The following NKAIN2 variants were observed in gnomAD, a reference collection of about 807,000 sequenced individuals.
NKAIN2 encodes the protein sodium/potassium-transporting ATPase subunit beta-1-interacting protein 2.
In NKAIN2, 14 loss-of-function variants were observed where a neutral mutation model predicts 32.6. That is an observed-to-expected ratio of 0.43 (90% CI 0.28 to 0.67). NKAIN2 has a LOEUF of 0.67. NKAIN2 is among the 30% of genes least tolerant of loss of function. The pLI is 0.17. For synonymous variants in NKAIN2, 80 were observed against 87.2 expected (o/e 0.92, Z 0.46); for missense variants, 198 against 258.3 (o/e 0.77, Z 1.60).
intron 1 of NKAIN2, among the ~76,000 whole-genome samples, chr6:124,016,957 C>A (rs1432502586): frequency 6.6e-6 from 1 of 152,174 alleles, no homozygotes; most frequent in Non-Finnish European, 1.5e-5. Context: ...TCAAGCCTAT[C>A]AAAACCTACC....
chr6:124,086,912 C>T (rs904727303), intron 1 of NKAIN2, among the ~76,000 whole-genome samples: 1 of 151,884 alleles, frequency 6.6e-6, no homozygotes, highest in African/African-American at 2.4e-5. Context: ...GAATACTTCT[C>T]AAGTCATTCT....
chr6:124,186,863 T>C (rs1250360720), intron 1 of NKAIN2, among the ~76,000 whole-genome samples: 2 of 152,196 alleles, frequency 1.3e-5, no homozygotes, highest in Admixed American at 1.3e-4. Context: ...GCTATGCATT[T>C]CAGAATTATT....
chr6:123,866,245 C>A (rs1291070792), intron 1 of NKAIN2, among the ~76,000 whole-genome samples: 6 of 152,148 alleles, frequency 3.9e-5, no homozygotes, highest in Admixed American at 3.9e-4. Flanking sequence ...ACAACTCCAT[C>A]CTCATCTGAC....
chr6:124,027,956 T>C (rs942732344), intron 1 of NKAIN2, among the ~76,000 whole-genome samples: 1 of 152,154 alleles, frequency 6.6e-6, no homozygotes, highest in Non-Finnish European at 1.5e-5. Context: ...GCAAGTCTCC[T>C]TAGCATAAAA....
intron 4 of NKAIN2, among the ~76,000 whole-genome samples, chr6:124,704,108 G>A (rs1774932063): frequency 6.6e-6 from 1 of 151,744 alleles, no homozygotes; most frequent in Admixed American, 6.6e-5. Flanking sequence ...AAGTCACAAT[G>A]ACAAAAGAAC....
At chr6:124,413,443 G>A (rs916869111) in intron 3 of NKAIN2, among the ~76,000 whole-genome samples, 5 of 152,050 alleles carry the variant, frequency 3.3e-5, no homozygotes, top group Non-Finnish European at 7.4e-5. Context: ...TCAATACCAC[G>A]CTGTATTGAT....
intron 1 of NKAIN2, among the ~76,000 whole-genome samples, chr6:124,211,905 C>T (rs2114663343): frequency 6.6e-6 from 1 of 152,060 alleles, no homozygotes; most frequent in Non-Finnish European, 1.5e-5. Flanking sequence ...ATTCACTTTT[C>T]TTTGTGTGAT....
At chr6:124,675,360 G>A (rs565682481) in intron 4 of NKAIN2, among the ~76,000 whole-genome samples, 1 of 151,934 alleles carries the variant, frequency 6.6e-6, no homozygotes, top group Non-Finnish European at 1.5e-5. Context: ...TTTCTTTCTT[G>A]TAGTGTCTTT....
At chr6:124,790,872 T>C (rs1472511117) in intron 4 of NKAIN2, among the ~76,000 whole-genome samples, 2 of 152,098 alleles carry the variant, frequency 1.3e-5, no homozygotes, top group Admixed American at 6.6e-5. Flanking sequence ...AGATCTGCAT[T>C]TTCCTTACAA....
intron 3 of NKAIN2, among the ~76,000 whole-genome samples, chr6:124,359,289 C>T (rs1387750031): frequency 2.3e-4 from 35 of 152,048 alleles, no homozygotes; most frequent in Admixed American, 1.6e-3. Context: ...TTTAAAGTAG[C>T]TTTTTCCAAT....
At chr6:124,413,720 T>C (rs1774329474) in intron 3 of NKAIN2, among the ~76,000 whole-genome samples, 1 of 152,206 alleles carries the variant, frequency 6.6e-6, no homozygotes. Flanking sequence ...TCTTCAATTT[T>C]TCTCAGCAAT....
chr6:124,261,171 A>C (rs1431300010), intron 1 of NKAIN2, among the ~76,000 whole-genome samples: 1 of 152,226 alleles, frequency 6.6e-6, no homozygotes, highest in East Asian at 1.9e-4. Flanking sequence ...GTCATCTAAA[A>C]AGATTCCAGA....
chr6:124,164,526 A>G (rs112671342), intron 1 of NKAIN2, among the ~76,000 whole-genome samples: 2 of 152,228 alleles, frequency 1.3e-5, no homozygotes, highest in African/African-American at 4.8e-5. Flanking sequence ...AGCGTGGAAT[A>G]GGATATATAG....
At chr6:123,861,980 C>G (rs1775802965) in intron 1 of NKAIN2, among the ~76,000 whole-genome samples, 1 of 152,110 alleles carries the variant, frequency 6.6e-6, no homozygotes. Context: ...ATTTGTATAT[C>G]TGGGAACAAA....
chr6:124,204,950 A>T (rs1790781833), intron 1 of NKAIN2, among the ~76,000 whole-genome samples: 1 of 150,128 alleles, frequency 6.7e-6, no homozygotes, highest in African/African-American at 2.4e-5. Flanking sequence ...CATATCAAGA[A>T]CATCAAGCAC....
At chr6:123,805,315 A>G (rs1773170432) in intron 1 of NKAIN2, among the ~76,000 whole-genome samples, 1 of 152,234 alleles carries the variant, frequency 6.6e-6, no homozygotes, top group African/African-American at 2.4e-5. Context: ...AAAGTGTTCA[A>G]AAGAGCAAGG....
chr6:123,872,936 C>A (rs746465810), intron 1 of NKAIN2, among the ~76,000 whole-genome samples: 35 of 152,096 alleles, frequency 2.3e-4, no homozygotes, highest in Non-Finnish European at 4.0e-4. Flanking sequence ...GTATCACACA[C>A]GTTTTAAGAA....
intron 1 of NKAIN2, among the ~76,000 whole-genome samples, chr6:124,114,476 CA>C (rs1336781859): frequency 6.6e-6 from 1 of 151,852 alleles, no homozygotes; most frequent in African/African-American, 2.4e-5. Context: ...GTAGAGATGT[CA>C]AGTAGGAGGT....
intron 6 of NKAIN2, among the ~76,000 whole-genome samples, chr6:124,822,059 G>A (rs1250527992): frequency 1.3e-5 from 2 of 152,138 alleles, no homozygotes; most frequent in Non-Finnish European, 2.9e-5. Flanking sequence ...TAACTTAGCT[G>A]CCACATTTCC....
Sources: gnomAD v4.1 joint callset for allele counts (sites outside exome capture counted in the v4.1 genomes callset) on GRCh38, gnomAD v4.1.1 for gene constraint, MANE v1.5 for transcripts, NCBI Gene and HGNC (gene_info 2026-07-23, HGNC 2026-07-21) for gene names.